Variants in CAMTA1 observed in about 807,000 individuals in gnomAD.
CAMTA1 encodes the protein calmodulin-binding transcription activator 1.
CAMTA1 carries 27 observed loss-of-function variants against 170.9 expected under a neutral mutation model. The observed-to-expected ratio is 0.16, with a 90% CI of 0.12 to 0.22. CAMTA1 has a LOEUF of 0.22. CAMTA1 is among the 10% of genes least tolerant of loss of function. The pLI, the probability that CAMTA1 is intolerant of heterozygous loss-of-function variation, is 1.00. For missense variants in CAMTA1, 1,619 were observed against 2,217.2 expected (o/e 0.73, Z 5.42); for synonymous variants, 833 against 891.5 (o/e 0.93, Z 1.17).
intron 3 of CAMTA1, among the ~76,000 whole-genome samples, chr1:7,066,483 C>T (rs1708979499): frequency 6.6e-6 from 1 of 152,228 alleles, no homozygotes; most frequent in Admixed American, 6.5e-5. Flanking sequence ...TCAGATTTTA[C>T]TGCTTTCAAG....
chr1:7,683,179 C>G (rs1010517760), intron 11 of CAMTA1, among the ~76,000 whole-genome samples: 1 of 103,574 alleles, frequency 9.7e-6, no homozygotes, highest in African/African-American at 3.5e-5. Context: ...GAGACTCTGT[C>G]TCAAAAAAAA....
rs1272766736 is a variant in CAMTA1, at chr1:7,680,656, G to C, written c.2914+2923G>C. On this transcript the variant is annotated intron_variant, in intron 11 of 22. Transcript: ENST00000303635. This position sits in a 1 kb window ranked among gnomAD's most constrained non-coding sequence, Gnocchi z 4.4. The stretch of plus-strand genomic sequence containing the variant: ...GGACCACAGGCCTTCGGTGGGCGGC[G>C]AGCCCTGGCTCCCTCGTTCGGTGGC... Among the ~76,000 whole-genome samples the C allele has an allele frequency of 6.6e-6, 1 of 152,070 alleles. No individual in the cohort carries two copies. Among genetic ancestry groups the C allele is most frequent in the Non-Finnish European group, 1.5e-5 (1 of 67,974 alleles).
In CAMTA1 at chr1:7,467,760, G is replaced by T; in HGVS notation, c.439-70G>T. 4.3e-6 allele frequency: 6 copies of T among 1,407,908 alleles called. No homozygotes were observed. The South Asian group carries it at 4.6e-5, about 11-fold the overall frequency. The allele number at this position is 1,407,908 out of a possible 1,614,324, so 87.2% of individuals were successfully genotyped here. ...TGTGGCCCCTTCTTGCTCCTTCTCT[G>T]TTGCGCCGTCTTCCTTCCTTCCTTC... On this transcript the variant is annotated intron_variant, in intron 5 of 22. Transcript: ENST00000303635.
intron 6 of CAMTA1, among the ~76,000 whole-genome samples, chr1:7,536,626 G>A (rs1438528283): frequency 4.6e-5 from 7 of 152,176 alleles, no homozygotes; most frequent in Non-Finnish European, 1.0e-4. Flanking sequence ...GGGCAGGGAC[G>A]GGGCTGGGAC....
intron 5 of CAMTA1, among the ~76,000 whole-genome samples, chr1:7,343,050 T>C (rs757989775): frequency 6.6e-6 from 1 of 152,180 alleles, no homozygotes; most frequent in Non-Finnish European, 1.5e-5. Flanking sequence ...GGCTAAAATA[T>C]TGTCCTGTGG....
At chr1:7,279,147 G>T (rs1003280855) in intron 5 of CAMTA1, among the ~76,000 whole-genome samples, 1 of 152,260 alleles carries the variant, frequency 6.6e-6, no homozygotes, top group African/African-American at 2.4e-5. Context: ...ACTGAACCCC[G>T]CAGTGCACCT....
intron 3 of CAMTA1, among the ~76,000 whole-genome samples, chr1:6,922,589 G>A (rs563076134): frequency 2.0e-5 from 3 of 152,112 alleles, no homozygotes; most frequent in Non-Finnish European, 2.9e-5. Context: ...TCTCCCCTGG[G>A]GCCTCAAATG....
At position 6,868,100 on chromosome 1, in the gene CAMTA1, G is replaced by A. The variant is rs575508016; in HGVS notation, c.234+42890G>A. 1.9e-4 allele frequency among the ~76,000 whole-genome samples: 29 copies of A among 149,396 alleles called. 1 individual carries two copies. The South Asian group carries it at 2.5e-3, about 13-fold the overall frequency. On this transcript the variant is annotated intron_variant, in intron 3 of 22. Transcript: ENST00000303635. ...GATTATAGGCGTGAGCCACAGAAGCGTGCCTGGCCTGGGTAGTTCTTTTTA... is the reference window on the plus strand; with the variant it reads ...GATTATAGGCGTGAGCCACAGAAGCATGCCTGGCCTGGGTAGTTCTTTTTA...
rs1291988140 is a variant in CAMTA1 at position 7,562,930 on chromosome 1, C to T, written c.511-77470C>T. ...CTGTTTAGCCAGAGCTTGGGGCCCACCCACCCCAGCTGGTCCTTGAATCTG... is the reference window on the plus strand; with the variant it reads ...CTGTTTAGCCAGAGCTTGGGGCCCATCCACCCCAGCTGGTCCTTGAATCTG... On this transcript the variant is annotated intron_variant, in intron 6 of 22. Coordinates refer to ENST00000303635, the MANE Select transcript of CAMTA1 (RefSeq NM_015215.4). The surrounding 1 kb of genome is among the most constrained non-coding windows in gnomAD (Gnocchi z 4.8). Among the ~76,000 whole-genome samples, 1 of 152,210 alleles carries T rather than the reference C, an allele frequency of 6.6e-6. No individual in the cohort carries two copies.
chr1:7,450,127 T>C (rs2092788243), intron 5 of CAMTA1, among the ~76,000 whole-genome samples: 1 of 152,090 alleles, frequency 6.6e-6, no homozygotes, highest in Non-Finnish European at 1.5e-5. Context: ...GAGGCCACCA[T>C]CCCGCAAGCC....
chr1:7,651,315 C>T (rs2095847504), intron 7 of CAMTA1, among the ~76,000 whole-genome samples: 1 of 152,206 alleles, frequency 6.6e-6, no homozygotes, highest in African/African-American at 2.4e-5. Context: ...TCCTTGCCAC[C>T]TGCTCATCAC....
intron 3 of CAMTA1, among the ~76,000 whole-genome samples, chr1:6,935,497 A>T (rs1230503230): frequency 6.6e-6 from 1 of 152,206 alleles, no homozygotes; most frequent in African/African-American, 2.4e-5. Flanking sequence ...TTTATTTTAA[A>T]GTCAATGTGC....
intron 5 of CAMTA1, among the ~76,000 whole-genome samples, chr1:7,403,124 G>T (rs192412173): frequency 2.0e-5 from 3 of 149,650 alleles, no homozygotes; most frequent in East Asian, 1.9e-4. Context: ...AGGCCTAGGT[G>T]GGGGGATCAG....
intron 5 of CAMTA1, among the ~76,000 whole-genome samples, chr1:7,282,518 A>AT (rs987190202): frequency 6.6e-6 from 1 of 152,164 alleles, no homozygotes; most frequent in Admixed American, 6.5e-5. Context: ...TCTGGGTAGC[A>AT]TTTGATGACA....
intron 11 of CAMTA1, among the ~76,000 whole-genome samples, chr1:7,713,636 G>A (rs759943912): frequency 3.9e-5 from 6 of 152,126 alleles, no homozygotes; most frequent in African/African-American, 7.2e-5. Context: ...TCAATAGCTC[G>A]TGGGAAATGT....
At chr1:7,687,819 G>A (rs2096271738) in intron 11 of CAMTA1, among the ~76,000 whole-genome samples, 1 of 152,104 alleles carries the variant, frequency 6.6e-6, no homozygotes, top group Non-Finnish European at 1.5e-5. Flanking sequence ...GAGCCCCAAA[G>A]CAGGAACAAA....
At chr1:6,893,153 G>A (rs1348023130) in intron 3 of CAMTA1, among the ~76,000 whole-genome samples, 1 of 152,094 alleles carries the variant, frequency 6.6e-6, no homozygotes, top group Non-Finnish European at 1.5e-5. Context: ...ATGGTGGCGT[G>A]CCTGTAATCC....
At chr1:6,901,623 C>T (rs1405331759) in intron 3 of CAMTA1, among the ~76,000 whole-genome samples, 2 of 152,140 alleles carry the variant, frequency 1.3e-5, no homozygotes, top group African/African-American at 4.8e-5. Flanking sequence ...TGTTCAACAG[C>T]GTTATTCATC....
At chr1:7,399,836 C>A (rs2089749544) in intron 5 of CAMTA1, among the ~76,000 whole-genome samples, 1 of 152,160 alleles carries the variant, frequency 6.6e-6, no homozygotes, top group Non-Finnish European at 1.5e-5. Context: ...GCTGAGAAAT[C>A]TGCTGATAGT....
Sources: gnomAD v4.1 joint callset for allele counts (sites outside exome capture counted in the v4.1 genomes callset) on GRCh38, gnomAD v4.1.1 for gene constraint, Gnocchi (gnomAD v3.1) non-coding constraint, MANE v1.5 for transcripts, NCBI Gene and HGNC (gene_info 2026-07-23, HGNC 2026-07-21) for gene names.